CDH13: variants seen among roughly 807,000 people sequenced by gnomAD.
The protein encoded by CDH13 is cadherin 13, also known as cadherin-13.
CDH13 carries 24 observed loss-of-function variants against 63.8 expected under a neutral mutation model. That is an observed-to-expected ratio of 0.38 (90% CI 0.27 to 0.53). The LOEUF (loss-of-function observed/expected upper bound fraction) is 0.53. Ranked by LOEUF, CDH13 falls within the 20% of genes least tolerant of loss-of-function variation. The probability of loss-of-function intolerance (pLI) is 0.85; values close to 1 mark genes in which losing one functional copy is unlikely to be tolerated. For missense variants in CDH13, 1,049 were observed against 903.1 expected (o/e 1.16, Z -2.07); for synonymous variants, 503 against 355.3 (o/e 1.42, Z -4.67).
rs768002133 is a variant in CDH13 at position 82,968,769 on chromosome 16, G to A, written c.158-63241G>A. Reference sequence around the variant, plus strand: ...GTGTTATAACTATTTTTGACACTCCGTTCCCCTCAATAGGCTGTGAGCCTT... The same window carrying A: ...GTGTTATAACTATTTTTGACACTCCATTCCCCTCAATAGGCTGTGAGCCTT... On this transcript the variant is annotated intron_variant, in intron 2 of 13. Transcript: ENST00000567109. 5.3e-5 allele frequency among the ~76,000 whole-genome samples: 8 copies of A among 152,226 alleles called. No individual in the cohort carries two copies. The South Asian group carries it at 6.2e-4, about 12-fold the overall frequency.
At chr16:83,633,582 C>T (rs1180102704) in intron 8 of CDH13, among the ~76,000 whole-genome samples, 3 of 152,132 alleles carry the variant, frequency 2.0e-5, no homozygotes, top group Non-Finnish European at 4.4e-5. Context: ...GAAAACATCT[C>T]TTACTTTGCG....
At chr16:82,818,283 G>C (rs770500772) in intron 1 of CDH13, among the ~76,000 whole-genome samples, 1 of 152,076 alleles carries the variant, frequency 6.6e-6, no homozygotes, top group Non-Finnish European at 1.5e-5. Flanking sequence ...GCCCGGCCAA[G>C]GTCACGTAGC....
At chr16:83,029,138 G>T (rs1916079119) in intron 2 of CDH13, among the ~76,000 whole-genome samples, 1 of 152,156 alleles carries the variant, frequency 6.6e-6, no homozygotes, top group Non-Finnish European at 1.5e-5. Flanking sequence ...TGTGGAAAGT[G>T]CTCAATCTGC....
chr16:83,348,935 A>G (rs544140805), intron 6 of CDH13, among the ~76,000 whole-genome samples: 85 of 152,310 alleles, frequency 5.6e-4, no homozygotes, highest in African/African-American at 1.8e-3. Context: ...GAGACACATG[A>G]GTTGTGTGAA....
intron 6 of CDH13, among the ~76,000 whole-genome samples, chr16:83,482,811 G>T (rs1218305730): frequency 2.6e-5 from 4 of 152,204 alleles, no homozygotes; most frequent in Non-Finnish European, 5.9e-5. Flanking sequence ...TGCACACTAA[G>T]ACCATGGGCA....
In CDH13 at chr16:83,645,917, G is replaced by T. The variant is rs1414493898; in HGVS notation, c.1102-24873G>T. 5.3e-5 allele frequency among the ~76,000 whole-genome samples: 8 copies of T among 152,170 alleles called. No individual in the cohort carries two copies. The East Asian group carries it at 1.5e-3, about 29-fold the overall frequency. On this transcript the variant is annotated intron_variant, in intron 8 of 13. Coordinates refer to ENST00000567109, the MANE Select transcript of CDH13 (RefSeq NM_001257.5). ...GAAAATTGAGGTGAAAAATCATTCT[G>T]CCATTACTTAGAAAACCAATTGTGA... is the stretch of plus-strand genomic sequence containing the variant.
intron 11 of CDH13, among the ~76,000 whole-genome samples, chr16:83,770,689 T>C (rs1020846991): frequency 6.6e-6 from 1 of 152,148 alleles, no homozygotes; most frequent in Non-Finnish European, 1.5e-5. Context: ...TCATAGAGAG[T>C]AACCTCCTGA....
chr16:83,431,506 A>C (rs1321290233), intron 6 of CDH13, among the ~76,000 whole-genome samples: 1 of 151,920 alleles, frequency 6.6e-6, no homozygotes, highest in Non-Finnish European at 1.5e-5. Flanking sequence ...ATAACTAACT[A>C]CCTGAGGATG....
intron 2 of CDH13, among the ~76,000 whole-genome samples, chr16:83,014,323 A>T (rs1914464896): frequency 6.7e-6 from 1 of 148,876 alleles, no homozygotes; most frequent in African/African-American, 2.5e-5. Flanking sequence ...AATCGATAAA[A>T]AAAAAAAAAA....
intron 1 of CDH13, among the ~76,000 whole-genome samples, chr16:82,803,108 G>A (rs978452808): frequency 6.6e-6 from 1 of 152,170 alleles, no homozygotes; most frequent in Non-Finnish European, 1.5e-5. Context: ...GGCGAAGACT[G>A]TATTAAAGTA....
chr16:83,281,012 C>T lies in CDH13; in HGVS notation c.636+63515C>T, dbSNP rs114295288. ...ATTAAATTTCAGAATGGCCAATAAG[C>T]ATTTGCTTCAATTTTACCCCCTAAC... On this transcript the variant is annotated intron_variant, in intron 5 of 13. Coordinates refer to ENST00000567109, the MANE Select transcript of CDH13 (RefSeq NM_001257.5). Among the ~76,000 whole-genome samples, 687 of 152,304 alleles carry T rather than the reference C, an allele frequency of 4.5e-3. 7 individuals are homozygous for T. The highest frequency in any genetic ancestry group is 0.016 in the African/African-American group (647 of 41,566).
At chr16:83,282,640 G>C (rs1000304214) in intron 5 of CDH13, among the ~76,000 whole-genome samples, 1 of 152,188 alleles carries the variant, frequency 6.6e-6, no homozygotes, top group Non-Finnish European at 1.5e-5. Flanking sequence ...AGTGTAAAAA[G>C]AGCTCCTGTA....
intron 2 of CDH13, among the ~76,000 whole-genome samples, chr16:82,980,050 C>T (rs1467604467): frequency 6.6e-6 from 1 of 152,108 alleles, no homozygotes; most frequent in South Asian, 2.1e-4. Context: ...AGGGAAACCA[C>T]AAGGGATGGC....
intron 2 of CDH13, among the ~76,000 whole-genome samples, chr16:82,907,625 G>A (rs2041693082): frequency 6.6e-6 from 1 of 152,168 alleles, no homozygotes; most frequent in South Asian, 2.1e-4. Context: ...TCATGGTGAG[G>A]CCAAAGCCAT....
chr16:82,734,652 G>C (rs1369123974), intron 1 of CDH13, among the ~76,000 whole-genome samples: 1 of 152,220 alleles, frequency 6.6e-6, no homozygotes, highest in Non-Finnish European at 1.5e-5. Flanking sequence ...GCAGGAAGCA[G>C]GAGTGAGCAG....
chr16:83,778,957 C>T (rs1228621539), intron 11 of CDH13, among the ~76,000 whole-genome samples: 2 of 152,234 alleles, frequency 1.3e-5, no homozygotes, highest in East Asian at 1.9e-4. Flanking sequence ...GTGTGAATAC[C>T]TGGCTACTTA....
chr16:83,480,734 A>G (rs546168008), intron 6 of CDH13, among the ~76,000 whole-genome samples: 1 of 152,204 alleles, frequency 6.6e-6, no homozygotes, highest in South Asian at 2.1e-4. Context: ...TCCTGGGAGA[A>G]CTATCTGGTT....
intron 1 of CDH13, among the ~76,000 whole-genome samples, chr16:82,692,121 A>G (rs13336758): frequency 0.13 from 20,229 of 152,268 alleles, 1,475 homozygotes; most frequent in Middle Eastern, 0.19. Context: ...GTGGACAGCA[A>G]AGTTATACTG....
At chr16:83,230,671 C>T (rs774307883) in intron 5 of CDH13, among the ~76,000 whole-genome samples, 10 of 152,154 alleles carry the variant, frequency 6.6e-5, no homozygotes, top group Non-Finnish European at 1.2e-4. Context: ...CCTGTAGTCC[C>T]AGCTACTTGG....
Sources: allele counts gnomAD v4.1 joint callset (sites outside exome capture counted in the v4.1 genomes callset), GRCh38; gene constraint gnomAD v4.1.1; transcripts MANE v1.5; gene names NCBI Gene and HGNC (gene_info 2026-07-23, HGNC 2026-07-21).